Variants in TNRC6A observed in about 807,000 individuals in gnomAD.
TNRC6A encodes the protein trinucleotide repeat containing adaptor 6A, also known as trinucleotide repeat-containing gene 6A protein.
A neutral mutation model predicts 221.2 loss-of-function variants in TNRC6A; 44 were observed. That is an observed-to-expected ratio of 0.20 (90% confidence interval 0.16 to 0.26). TNRC6A has a LOEUF of 0.26. Among genes scored for constraint, TNRC6A ranks in the 10% least tolerant of loss-of-function variants. The probability of loss-of-function intolerance (pLI) is 1.00; values close to 1 mark genes in which losing one functional copy is unlikely to be tolerated. For synonymous variants in TNRC6A, 847 were observed against 838.5 expected (o/e 1.01, Z -0.18); for missense variants, 2,199 against 2,404.4 (o/e 0.91, Z 1.79).
At chr16:24,614,228 C>G (rs1900224836) in intron 1 of TNRC6A, among the ~76,000 whole-genome samples, 1 of 152,206 alleles carries the variant, frequency 6.6e-6, no homozygotes, top group Admixed American at 6.5e-5. Context: ...AGAAGGGAAG[C>G]CCCAGTACAC....
intron 2 of TNRC6A, among the ~76,000 whole-genome samples, chr16:24,713,653 TA>T (rs1228229510): frequency 2.0e-5 from 3 of 149,822 alleles, no homozygotes; most frequent in Admixed American, 1.3e-4. Context: ...AGTTTAGTTT[TA>T]TTTTTTTTTT....
At chr16:24,782,670 G>T (rs1168852661) in intron 5 of TNRC6A, among the ~76,000 whole-genome samples, 2 of 151,994 alleles carry the variant, frequency 1.3e-5, no homozygotes, top group Non-Finnish European at 2.9e-5. Context: ...AAGGTCAGGA[G>T]ATCTAGAGCA....
At chr16:24,670,695 G>A (rs1384489071) in intron 2 of TNRC6A, among the ~76,000 whole-genome samples, 2 of 152,042 alleles carry the variant, frequency 1.3e-5, no homozygotes, top group Non-Finnish European at 2.9e-5. Flanking sequence ...AATGAGATTC[G>A]GATGGAAAAA....
intron 2 of TNRC6A, among the ~76,000 whole-genome samples, chr16:24,733,938 G>T (rs1039362768): frequency 6.6e-6 from 1 of 152,228 alleles, no homozygotes; most frequent in African/African-American, 2.4e-5. Context: ...CACTTTGGGA[G>T]GCCAAGGCAG....
In TNRC6A at chr16:24,824,126, A is replaced by ACCCCCCCCCCC. The variant is rs55802473; in HGVS notation, c.*320_*330dup. On this transcript the variant is annotated 3_prime_UTR_variant, in exon 25 of 25. Transcript: ENST00000395799. ...TTTTTTTTCCTTCTATTCCTCCCCA[A>ACCCCCCCCCCC]CCCCCCCCCCCGCCCCTTTTTTTCT... The ACCCCCCCCCCC allele has an allele frequency of 7.7e-5, 2 of 25,978 alleles. No individual in the cohort carries two copies. Among genetic ancestry groups the ACCCCCCCCCCC allele is most frequent in the African/African-American group, 1.4e-4 (1 of 7,240 alleles). 1.6% of individuals were successfully genotyped at this position (25,978 alleles called of 1,614,324 possible). A position where few individuals can be genotyped will look rare whatever the true frequency, so the allele number is the denominator to read the frequency against.
intron 2 of TNRC6A, among the ~76,000 whole-genome samples, chr16:24,707,092 T>G (rs1001782548): frequency 6.6e-6 from 1 of 151,866 alleles, no homozygotes; most frequent in African/African-American, 2.4e-5. Context: ...GTCTCCAGGG[T>G]GCAAGAGATC....
rs200931523 is a variant in TNRC6A at position 24,797,923 on chromosome 16, A to G, written c.3651A>G (p.Ser1217=). 1 of 1,610,586 alleles carries G rather than the reference A, an allele frequency of 6.2e-7. No individual in the cohort carries two copies. ...GCATTTTCTTTCTTCAGAGAGACTC[A>G]CCAGAGGAAAATGTACAAAGCAATA... The part of the protein sequence containing the change: ...QFSNISFSRD[S]PEENVQSNKM... Residue 1217 remains serine (S), a synonymous_variant, in exon 11 of 25, where the codon TCA becomes TCG. Coordinates refer to ENST00000395799, the MANE Select transcript of TNRC6A (RefSeq NM_014494.4).
rs148437472 is a variant in TNRC6A at position 24,691,071 on chromosome 16, A to G, written n.402+50062A>G. On this transcript the variant is annotated intron_variant and non_coding_transcript_variant, in intron 2 of 2. Transcript: ENST00000566108. ...GTGATCCACCCGCCTCGGCCTCCCA[A>G]AGTGCTGGGATTACAGGCCTGAGCC... 6.0e-3 allele frequency among the ~76,000 whole-genome samples: 913 copies of G among 152,134 alleles called. 4 individuals carry two copies. The highest frequency in any genetic ancestry group is 9.2e-3 in the Non-Finnish European group (628 of 67,998).
intron 1 of TNRC6A, among the ~76,000 whole-genome samples, chr16:24,612,389 T>C (rs1462702718): frequency 6.6e-6 from 1 of 152,072 alleles, no homozygotes; most frequent in Non-Finnish European, 1.5e-5. Context: ...GTGATAGAGC[T>C]AGGATTTAAG....
In TNRC6A at chr16:24,624,545, C is replaced by T. The variant is rs146850317; in HGVS notation, n.276+14061C>T. Among the ~76,000 whole-genome samples, 1,206 of 152,274 alleles carry T rather than the reference C, an allele frequency of 7.9e-3. 20 individuals carry two copies. The highest frequency in any genetic ancestry group is 0.027 in the African/African-American group (1,142 of 41,534). On this transcript the variant is annotated intron_variant and non_coding_transcript_variant, in intron 1 of 2. Transcript: ENST00000566108. Reference sequence around the variant, plus strand: ...CCAGGCTGGAATGCACTGGTGCAATCATGGCTCACTGCAGCCTTGAACTCC... The same window carrying T: ...CCAGGCTGGAATGCACTGGTGCAATTATGGCTCACTGCAGCCTTGAACTCC...
intron 1 of TNRC6A, among the ~76,000 whole-genome samples, chr16:24,626,350 T>C (rs1440694103): frequency 1.3e-5 from 2 of 152,134 alleles, no homozygotes; most frequent in African/African-American, 4.8e-5. Flanking sequence ...CAAACAAAGC[T>C]AAACATTTTT....
At chr16:24,717,997 C>T (rs2056345935) in intron 2 of TNRC6A, among the ~76,000 whole-genome samples, 1 of 151,942 alleles carries the variant, frequency 6.6e-6, no homozygotes, top group African/African-American at 2.4e-5. Flanking sequence ...AGGCTGGTCT[C>T]GAACTCCTGA....
chr16:24,730,492 T>C (rs1425667230), intron 2 of TNRC6A, among the ~76,000 whole-genome samples, 192 bp downstream of exon 2: 3 of 148,574 alleles, frequency 2.0e-5, no homozygotes, highest in African/African-American at 7.5e-5. Context: ...TGTGTTTCTT[T>C]CTTTAAAAAA....
intron 1 of TNRC6A, among the ~76,000 whole-genome samples, chr16:24,611,079 C>A (rs528050774): frequency 6.0e-4 from 91 of 152,310 alleles, no homozygotes; most frequent in African/African-American, 2.0e-3. Flanking sequence ...TCCGAAAGAG[C>A]TGGGATTACA....
chr16:24,699,461 T>C (rs1219484222), intron 2 of TNRC6A, among the ~76,000 whole-genome samples: 1 of 152,134 alleles, frequency 6.6e-6, no homozygotes, highest in African/African-American at 2.4e-5. Context: ...CTCACACCTG[T>C]AATGCCAGCA....
At chr16:24,746,647 A>C in intron 2 of TNRC6A, among the ~76,000 whole-genome samples, 1 of 152,190 alleles carries the variant, frequency 6.6e-6, no homozygotes, top group South Asian at 2.1e-4. Context: ...ATGGATCATA[A>C]GATAGTGACA....
intron 12 of TNRC6A, 104 bp from the exon 13 acceptor site, chr16:24,804,601 T>C: frequency 6.8e-7 from 1 of 1,473,204 alleles, no homozygotes; most frequent in African/African-American, 1.4e-5. Flanking sequence ...TGTTTCCTGT[T>C]GATGCTGGAA....
chr16:24,787,882 C>G (rs1235552440), intron 5 of TNRC6A, among the ~76,000 whole-genome samples: 1 of 152,094 alleles, frequency 6.6e-6, no homozygotes, highest in Admixed American at 6.5e-5. Context: ...GCCTACAACC[C>G]CTGAAGGTTG....
At chr16:24,689,011 G>T (rs2055697212) in intron 2 of TNRC6A, among the ~76,000 whole-genome samples, 1 of 152,100 alleles carries the variant, frequency 6.6e-6, no homozygotes, top group Admixed American at 6.6e-5. Flanking sequence ...GGCTGTCATG[G>T]TCTATAATCA....
Sources: gnomAD v4.1 joint callset for allele counts (sites outside exome capture counted in the v4.1 genomes callset) on GRCh38, gnomAD v4.1.1 for gene constraint, MANE v1.5 for transcripts, NCBI Gene and HGNC (gene_info 2026-07-23, HGNC 2026-07-21) for gene names.